CPNE4: variants seen among roughly 807,000 people sequenced by gnomAD.
The protein encoded by CPNE4 is copine 4, also known as copine-4.
CPNE4 carries 25 observed loss-of-function variants against 67.9 expected under a neutral mutation model. The ratio of observed to expected loss-of-function variants is 0.37; its 90% CI spans 0.27 to 0.51. The LOEUF (loss-of-function observed/expected upper bound fraction) is 0.51. Ranked by LOEUF, CPNE4 falls within the 20% of genes least tolerant of loss-of-function variation. The pLI is 0.93. For missense variants in CPNE4, 464 were observed against 690.8 expected (o/e 0.67, Z 3.68); for synonymous variants, 242 against 244.9 (o/e 0.99, Z 0.11).
At chr3:131,780,163 T>C (rs2083397149) in intron 2 of CPNE4, among the ~76,000 whole-genome samples, 1 of 152,046 alleles carries the variant, frequency 6.6e-6, no homozygotes, top group African/African-American at 2.4e-5. Flanking sequence ...TAGCTATTAT[T>C]AAAAAGTCAA....
chr3:131,723,392 A>G (rs2081933330), intron 3 of CPNE4, 54 bp downstream of exon 3: 1 of 1,471,628 alleles, frequency 6.8e-7, no homozygotes, highest in African/African-American at 1.4e-5. Flanking sequence ...GAAAGGGGGC[A>G]GGAAGAAAGG....
At chr3:132,005,787 GA>G (rs11424349) in intron 1 of CPNE4, among the ~76,000 whole-genome samples, 1 of 149,862 alleles carries the variant, frequency 6.7e-6, no homozygotes, top group East Asian at 2.0e-4. Flanking sequence ...GCATTTAATT[GA>G]AAAAAAAAAT....
chr3:131,984,633 C>A (rs1286710157), intron 1 of CPNE4, among the ~76,000 whole-genome samples: 2 of 152,182 alleles, frequency 1.3e-5, no homozygotes, highest in Non-Finnish European at 2.9e-5. Flanking sequence ...TTTGCATATG[C>A]TGGCCCATCT....
chr3:131,752,052 C>T (rs572938357), intron 2 of CPNE4, among the ~76,000 whole-genome samples: 36 of 152,192 alleles, frequency 2.4e-4, no homozygotes, highest in Middle Eastern at 3.4e-3. Context: ...TCCCCAGCGA[C>T]GTGGGGGAAG....
intron 2 of CPNE4, among the ~76,000 whole-genome samples, chr3:131,882,997 G>T (rs1378632903): frequency 6.6e-6 from 1 of 152,196 alleles, no homozygotes; most frequent in South Asian, 2.1e-4. Flanking sequence ...GATTACAGGC[G>T]TGAGCCACCA....
chr3:131,549,885 C>T (rs1225091577), intron 14 of CPNE4, 62 bp downstream of exon 14: 14 of 1,579,846 alleles, frequency 8.9e-6, no homozygotes, highest in African/African-American at 5.4e-5. Flanking sequence ...ATGGGTCTTA[C>T]GGCCAATATC....
chr3:131,557,273 G>T (rs1455944415), intron 11 of CPNE4, among the ~76,000 whole-genome samples: 1 of 151,910 alleles, frequency 6.6e-6, no homozygotes, highest in African/African-American at 2.4e-5. Flanking sequence ...TTTGTTCTTT[G>T]GAACAATTCC....
chr3:131,879,798 G>T (rs1340188855), intron 2 of CPNE4, among the ~76,000 whole-genome samples: 1 of 152,148 alleles, frequency 6.6e-6, no homozygotes, highest in East Asian at 1.9e-4. Context: ...ATTGGGAATT[G>T]GATTCCCCTG....
intron 7 of CPNE4, among the ~76,000 whole-genome samples, chr3:131,628,483 T>C (rs903697139): frequency 3.9e-4 from 60 of 152,292 alleles, no homozygotes; most frequent in Non-Finnish European, 7.2e-4. Flanking sequence ...TACCAGCTCC[T>C]CCTTGTACCT....
intron 2 of CPNE4, among the ~76,000 whole-genome samples, chr3:131,877,186 C>T (rs1165305565): frequency 6.6e-6 from 1 of 152,084 alleles, no homozygotes; most frequent in East Asian, 1.9e-4. Context: ...GTTGTAGGGA[C>T]AAAATTTTGT....
At chr3:131,786,373 AG>A (rs1471005200) in intron 2 of CPNE4, among the ~76,000 whole-genome samples, 1 of 152,164 alleles carries the variant, frequency 6.6e-6, no homozygotes, top group Non-Finnish European at 1.5e-5. Context: ...CCTTATTAGA[AG>A]TGAAACATAC....
intron 2 of CPNE4, among the ~76,000 whole-genome samples, chr3:131,776,205 G>A (rs1214556940): frequency 7.2e-6 from 1 of 138,148 alleles, no homozygotes; most frequent in Admixed American, 7.4e-5. Context: ...ATCTTACTCA[G>A]TTGGTGGTGG....
At chr3:131,932,690 G>A (rs947390169) in intron 1 of CPNE4, among the ~76,000 whole-genome samples, 2 of 151,942 alleles carry the variant, frequency 1.3e-5, no homozygotes, top group Admixed American at 6.6e-5. Flanking sequence ...CGCACTGGGA[G>A]GCCAAGGTGG....
chr3:131,928,209 G>A (rs1025941621), intron 1 of CPNE4, among the ~76,000 whole-genome samples: 3 of 151,910 alleles, frequency 2.0e-5, no homozygotes, highest in Admixed American at 6.6e-5. Context: ...ATATGATATC[G>A]CTGTTCAAAA....
intron 3 of CPNE4, among the ~76,000 whole-genome samples, chr3:131,711,635 AC>A (rs2081560516): frequency 6.6e-6 from 1 of 152,160 alleles, no homozygotes; most frequent in Admixed American, 6.5e-5. Context: ...TCCATGCAAA[AC>A]AAAGCTAATT....
At chr3:132,039,203 A>C (rs375408023), upstream of CPNE4, among the ~76,000 whole-genome samples, 411 of 152,306 alleles carry the variant, frequency 2.7e-3, 1 homozygote, top group Middle Eastern at 6.8e-3. Flanking sequence ...GTTATAGGGC[A>C]GTTTCTGTGA....
chr3:132,017,200 G>A (rs1163687329), intron 1 of CPNE4, among the ~76,000 whole-genome samples: 7 of 152,106 alleles, frequency 4.6e-5, no homozygotes, highest in South Asian at 2.1e-4. Context: ...GAAGAAAGGC[G>A]GTAAGGAATG....
At chr3:131,832,920 C>G (rs576590233) in intron 2 of CPNE4, among the ~76,000 whole-genome samples, 3 of 152,194 alleles carry the variant, frequency 2.0e-5, no homozygotes, top group South Asian at 4.1e-4. Context: ...TAGACTGTTA[C>G]GCTCAGTCAA....
At chr3:131,740,569 C>T (rs960087866) in intron 2 of CPNE4, among the ~76,000 whole-genome samples, 12 of 152,142 alleles carry the variant, frequency 7.9e-5, no homozygotes, top group Non-Finnish European at 1.5e-4. Flanking sequence ...CCGGATCTCA[C>T]GGCTTCTCAC....
Sources: gnomAD v4.1 joint callset for allele counts (sites outside exome capture counted in the v4.1 genomes callset) on GRCh38, gnomAD v4.1.1 for gene constraint, MANE v1.5 for transcripts, NCBI Gene and HGNC (gene_info 2026-07-23, HGNC 2026-07-21) for gene names.